The following ADCY8 variants were observed in gnomAD, a reference collection of about 807,000 sequenced individuals.
ADCY8 encodes adenylate cyclase type 8.
ADCY8 carries 51 observed loss-of-function variants against 119.7 expected under a neutral mutation model. The observed-to-expected ratio is 0.43, with a 90% confidence interval of 0.34 to 0.54. ADCY8 has a LOEUF of 0.54. Ranked by LOEUF, ADCY8 falls within the 20% of genes least tolerant of loss-of-function variation. ADCY8 has a pLI of 0.03. For synonymous variants in ADCY8, 665 were observed against 651.0 expected, an observed-to-expected ratio of 1.02 and a Z score of -0.33; for missense variants, 1,383 against 1,598.8, an observed-to-expected ratio of 0.87 and a Z score of 2.30.
chr8:130,816,431 T>TTTC (rs1449912684), intron 13 of ADCY8, among the ~76,000 whole-genome samples: 1 of 145,222 alleles, frequency 6.9e-6, no homozygotes, highest in East Asian at 2.0e-4. Flanking sequence ...TTTTTTCTTT[T>TTTC]TTTTTTTTTT....
At chr8:130,810,281 C>G (rs540728149) in intron 14 of ADCY8, among the ~76,000 whole-genome samples, 21 of 152,116 alleles carry the variant, frequency 1.4e-4, no homozygotes, top group African/African-American at 4.8e-4. Flanking sequence ...TTGCCGGCCA[C>G]TACAGTCCTG....
intron 9 of ADCY8, among the ~76,000 whole-genome samples, chr8:130,860,380 C>A (rs984546121): frequency 6.6e-6 from 1 of 152,122 alleles, no homozygotes; most frequent in Admixed American, 6.6e-5. Context: ...CAGTGTCTTC[C>A]ACAGATCAGA....
chr8:130,903,030 C>T (rs1328633299), intron 7 of ADCY8, among the ~76,000 whole-genome samples: 3 of 152,096 alleles, frequency 2.0e-5, no homozygotes, highest in African/African-American at 4.8e-5. Flanking sequence ...AACAGAATCT[C>T]TGTGTCCACC....
At chr8:130,861,295 T>C (rs970040742) in intron 9 of ADCY8, among the ~76,000 whole-genome samples, 2 of 152,212 alleles carry the variant, frequency 1.3e-5, no homozygotes, top group African/African-American at 4.8e-5. Flanking sequence ...TGGGAAAAAT[T>C]AACATTTTAA....
At chr8:131,018,905 G>C (rs765546030) in intron 1 of ADCY8, among the ~76,000 whole-genome samples, 1 of 152,126 alleles carries the variant, frequency 6.6e-6, no homozygotes, top group East Asian at 1.9e-4. Context: ...AGGAGGTTAG[G>C]CCTCCATGTC....
At chr8:130,908,758 G>A (rs138393726) in intron 6 of ADCY8, among the ~76,000 whole-genome samples, 445 of 152,260 alleles carry the variant, frequency 2.9e-3, no homozygotes, top group Admixed American at 4.7e-3. Flanking sequence ...AAAATCACAC[G>A]CCAGGTGCTG....
At chr8:130,790,333 G>A (rs1353673977) in intron 15 of ADCY8, among the ~76,000 whole-genome samples, 1 of 152,166 alleles carries the variant, frequency 6.6e-6, no homozygotes, top group Non-Finnish European at 1.5e-5. Context: ...TGATTTAGGA[G>A]GGTGAAACGT....
At chr8:130,783,140 T>C (rs1468523413) in intron 17 of ADCY8, among the ~76,000 whole-genome samples, 1 of 152,198 alleles carries the variant, frequency 6.6e-6, no homozygotes, top group Non-Finnish European at 1.5e-5. Flanking sequence ...AAAGGATTAT[T>C]ATTGATTGCA....
At chr8:130,998,298 G>A (rs552617483) in intron 1 of ADCY8, among the ~76,000 whole-genome samples, 2 of 152,318 alleles carry the variant, frequency 1.3e-5, no homozygotes, top group South Asian at 4.1e-4. Flanking sequence ...TCTCTGATAA[G>A]AAGACATTTG....
At chr8:130,935,609 A>G (rs1256328839) in intron 5 of ADCY8, 2 of 152,224 alleles carry the variant, frequency 1.3e-5, no homozygotes, top group Non-Finnish European at 2.9e-5. Flanking sequence ...AACTGTTTGC[A>G]GAAGACAGCA....
chr8:130,883,292 C>A (rs1430472228), intron 8 of ADCY8, among the ~76,000 whole-genome samples: 1 of 152,120 alleles, frequency 6.6e-6, no homozygotes, highest in Non-Finnish European at 1.5e-5. Flanking sequence ...AATGCAGTAA[C>A]CGGGAAAGAA....
chr8:130,915,492 G>A (rs551832607), intron 5 of ADCY8, among the ~76,000 whole-genome samples: 8 of 152,162 alleles, frequency 5.3e-5, no homozygotes, highest in South Asian at 2.1e-4. Flanking sequence ...AAGCAGGCCC[G>A]GATCTGACAT....
At chr8:130,910,073 G>C (rs1331014429) in intron 5 of ADCY8, among the ~76,000 whole-genome samples, 1 of 151,578 alleles carries the variant, frequency 6.6e-6, no homozygotes, top group East Asian at 1.9e-4. Flanking sequence ...CTGACCTCGT[G>C]ATCCTCCCGC....
chr8:130,896,900 T>C (rs1410401365), intron 7 of ADCY8, among the ~76,000 whole-genome samples: 1 of 152,070 alleles, frequency 6.6e-6, no homozygotes, highest in Non-Finnish European at 1.5e-5. Context: ...GCCACAGTCT[T>C]GGAGCCTGTG....
chr8:130,977,030 G>T (rs1017516672), intron 2 of ADCY8, among the ~76,000 whole-genome samples: 4 of 152,150 alleles, frequency 2.6e-5, no homozygotes, highest in African/African-American at 9.7e-5. Flanking sequence ...CTGCATCTCA[G>T]CTATCAAGAA....
intron 8 of ADCY8, among the ~76,000 whole-genome samples, chr8:130,880,746 T>C (rs1244445074): frequency 1.3e-5 from 2 of 152,218 alleles, no homozygotes; most frequent in Non-Finnish European, 2.9e-5. Context: ...ACTTGTTACA[T>C]ATCATCCACA....
At chr8:130,920,899 C>T (rs1054126031) in intron 5 of ADCY8, among the ~76,000 whole-genome samples, 4 of 152,214 alleles carry the variant, frequency 2.6e-5, no homozygotes, top group African/African-American at 4.8e-5. Context: ...ACTCAAGCTA[C>T]AATATCAACT....
intron 5 of ADCY8, among the ~76,000 whole-genome samples, chr8:130,923,880 A>G (rs761624902): frequency 3.9e-5 from 6 of 152,188 alleles, no homozygotes; most frequent in Non-Finnish European, 5.9e-5. Context: ...GGTGGATTGA[A>G]TTTACTATGA....
chr8:130,848,389 T>C (rs1054893799), intron 10 of ADCY8, among the ~76,000 whole-genome samples: 3 of 152,246 alleles, frequency 2.0e-5, no homozygotes, highest in African/African-American at 7.2e-5. Flanking sequence ...ATTGATCCCA[T>C]GTACTTCCAT....
Sources: allele counts gnomAD v4.1 joint callset (sites outside exome capture counted in the v4.1 genomes callset), GRCh38; gene constraint gnomAD v4.1.1; transcripts MANE v1.5; gene names NCBI Gene and HGNC (gene_info 2026-07-23, HGNC 2026-07-21).